RIMS1: variants seen among roughly 807,000 people sequenced by gnomAD.
The protein encoded by RIMS1 is regulating synaptic membrane exocytosis protein 1.
In RIMS1, 83 loss-of-function variants were observed where a neutral mutation model predicts 214.1. That is an observed-to-expected ratio of 0.39 (90% confidence interval 0.32 to 0.47). RIMS1 has a LOEUF of 0.47. Ranked by LOEUF, RIMS1 falls within the 20% of genes least tolerant of loss-of-function variation. The pLI is 0.99. For missense variants in RIMS1, 2,050 were observed against 2,161.8 expected (o/e 0.95, Z 1.03); for synonymous variants, 793 against 786.8 (o/e 1.01, Z -0.13).
At chr6:72,051,929 T>C (rs1824810389) in intron 2 of RIMS1, among the ~76,000 whole-genome samples, 1 of 152,082 alleles carries the variant, frequency 6.6e-6, no homozygotes, top group African/African-American at 2.4e-5. Flanking sequence ...CCAAAGAAGT[T>C]TTAAAAAATG....
intron 28 of RIMS1, among the ~76,000 whole-genome samples, chr6:72,315,033 C>A (rs574668599): frequency 1.6e-4 from 25 of 152,206 alleles, no homozygotes; most frequent in African/African-American, 6.0e-4. Context: ...AAAAATTTAT[C>A]TTCCTATAAA....
chr6:72,277,807 A>C (rs577053299), intron 23 of RIMS1, among the ~76,000 whole-genome samples: 5 of 152,272 alleles, frequency 3.3e-5, no homozygotes, highest in Non-Finnish European at 5.9e-5. Flanking sequence ...AATGCTAATG[A>C]ACCTATATAT....
At chr6:72,006,782 C>T (rs1584721171) in intron 2 of RIMS1, among the ~76,000 whole-genome samples, 1 of 152,132 alleles carries the variant, frequency 6.6e-6, no homozygotes. Flanking sequence ...GGGGGAGGGG[C>T]GCCTGCCATT....
chr6:72,125,804 A>T (rs2153836126), intron 4 of RIMS1, among the ~76,000 whole-genome samples: 1 of 152,326 alleles, frequency 6.6e-6, no homozygotes, highest in South Asian at 2.1e-4. Context: ...CAGGTGTGGG[A>T]TATAATCTCC....
intron 29 of RIMS1, among the ~76,000 whole-genome samples, chr6:72,354,230 T>C (rs994172085): frequency 1.1e-4 from 17 of 151,988 alleles, no homozygotes; most frequent in African/African-American, 3.9e-4. Flanking sequence ...AATAAATAAA[T>C]AAACAAACAA....
chr6:72,002,247 A>G (rs948103691), intron 2 of RIMS1, among the ~76,000 whole-genome samples: 23 of 151,842 alleles, frequency 1.5e-4, no homozygotes, highest in Non-Finnish European at 2.8e-4. Context: ...AGTTGCTTGA[A>G]CTCTGTCCTG....
chr6:72,225,848 A>G (rs901883952), intron 6 of RIMS1, among the ~76,000 whole-genome samples: 3 of 152,128 alleles, frequency 2.0e-5, no homozygotes, highest in African/African-American at 4.8e-5. Flanking sequence ...AAGATTGTCA[A>G]TTTTGTGATT....
chr6:72,057,565 T>C (rs2152215769), intron 2 of RIMS1, among the ~76,000 whole-genome samples: 1 of 150,390 alleles, frequency 6.6e-6, no homozygotes, highest in South Asian at 2.1e-4. Flanking sequence ...TGGAGTGCAG[T>C]GGCGCCATCT....
chr6:72,347,861 G>A (rs561199847), intron 29 of RIMS1, among the ~76,000 whole-genome samples: 1 of 151,946 alleles, frequency 6.6e-6, no homozygotes, highest in African/African-American at 2.4e-5. Flanking sequence ...GACTTTTAGG[G>A]AGTTCTCATG....
intron 27 of RIMS1, among the ~76,000 whole-genome samples, chr6:72,310,438 C>A (rs986743168): frequency 1.3e-5 from 2 of 151,538 alleles, no homozygotes; most frequent in Non-Finnish European, 2.9e-5. Flanking sequence ...AGTGGCATAC[C>A]TTAATGATGA....
At chr6:72,390,773 C>T (rs768257888) in intron 30 of RIMS1, 37 bp downstream of exon 30, 1 of 1,608,106 alleles carries the variant, frequency 6.2e-7, no homozygotes, top group South Asian at 1.1e-5. Context: ...GCTGTGGAAC[C>T]AGGAATTGTG....
intron 2 of RIMS1, among the ~76,000 whole-genome samples, chr6:72,005,780 T>C (rs1358741896): frequency 6.6e-6 from 1 of 152,230 alleles, no homozygotes; most frequent in African/African-American, 2.4e-5. Flanking sequence ...ATTCGATAGT[T>C]TGATCTCTCC....
chr6:71,903,702 A>G (rs1774428685), intron 1 of RIMS1, among the ~76,000 whole-genome samples: 1 of 151,994 alleles, frequency 6.6e-6, no homozygotes, highest in South Asian at 2.1e-4. Context: ...TCGTTTGAGT[A>G]GGTTTCTGTT....
chr6:72,260,894 T>C, intron 19 of RIMS1, 127 bp downstream of exon 19: 1 of 1,523,188 alleles, frequency 6.6e-7, no homozygotes, highest in East Asian at 2.5e-5. Context: ...TATTTGAAAT[T>C]TGTTTTGTTT....
intron 12 of RIMS1, among the ~76,000 whole-genome samples, chr6:72,249,760 C>A (rs1047808560): frequency 6.6e-6 from 1 of 151,942 alleles, no homozygotes; most frequent in East Asian, 1.9e-4. Flanking sequence ...CAGAGTGAGA[C>A]CATGTCTCTA....
chr6:72,008,733 T>C (rs1808920418), intron 2 of RIMS1, among the ~76,000 whole-genome samples: 1 of 152,102 alleles, frequency 6.6e-6, no homozygotes, highest in Non-Finnish European at 1.5e-5. Context: ...AAGAAGGCCA[T>C]TACATAATAG....
At chr6:72,214,051 G>A (rs2054610393) in intron 6 of RIMS1, among the ~76,000 whole-genome samples, 1 of 152,052 alleles carries the variant, frequency 6.6e-6, no homozygotes, top group African/African-American at 2.4e-5. Flanking sequence ...CTTTTACCTA[G>A]ACAGTGGCTC....
At chr6:72,366,957 T>A (rs2098052015) in intron 29 of RIMS1, 3 of 605,302 alleles carry the variant, frequency 5.0e-6, no homozygotes, top group Middle Eastern at 8.0e-4. Context: ...AAAGCCAAAT[T>A]TCTATATTTG....
At chr6:72,026,234 T>C (rs1816429269) in intron 2 of RIMS1, among the ~76,000 whole-genome samples, 1 of 152,162 alleles carries the variant, frequency 6.6e-6, no homozygotes, top group South Asian at 2.1e-4. Flanking sequence ...AGAGAGGCAG[T>C]GTATTGGGCC....
Sources: gnomAD v4.1 joint callset for allele counts (sites outside exome capture counted in the v4.1 genomes callset) on GRCh38, gnomAD v4.1.1 for gene constraint, MANE v1.5 for transcripts, NCBI Gene and HGNC (gene_info 2026-07-23, HGNC 2026-07-21) for gene names.